The following NTRK1 variants were observed in gnomAD, a reference collection of about 807,000 sequenced individuals.
NTRK1 encodes neurotrophic receptor tyrosine kinase 1.
NTRK1 carries 62 observed loss-of-function variants against 86.8 expected under a neutral mutation model. The ratio of observed to expected loss-of-function variants is 0.71; its 90% CI spans 0.58 to 0.88. The LOEUF (loss-of-function observed/expected upper bound fraction) is 0.88. Ranked by LOEUF, NTRK1 falls within the 40% of genes least tolerant of loss-of-function variation. NTRK1 has a pLI of 0.00. For synonymous variants in NTRK1, 469 were observed against 456.6 expected (o/e 1.03, Z -0.35); for missense variants, 967 against 1,078.4 (o/e 0.90, Z 1.45).
intron 7 of NTRK1, among the ~76,000 whole-genome samples, chr1:156,872,389 C>T (rs924182322): frequency 6.6e-6 from 1 of 152,068 alleles, no homozygotes; most frequent in Non-Finnish European, 1.5e-5. Flanking sequence ...TAATTTTTCT[C>T]AAATATGCTT....
intron 1 of NTRK1, among the ~76,000 whole-genome samples, chr1:156,816,376 C>G (rs945749996): frequency 6.6e-6 from 1 of 152,198 alleles, no homozygotes; most frequent in Non-Finnish European, 1.5e-5. Flanking sequence ...AGGCAGATCA[C>G]TTCAGGGCAG....
intron 2 of NTRK1, chr1:156,853,732 T>C: frequency 6.3e-7 from 1 of 1,582,044 alleles, no homozygotes; most frequent in Non-Finnish European, 8.6e-7. Flanking sequence ...CCTACATTCA[T>C]GTTCTGTGCC....
intron 16 of NTRK1, among the ~76,000 whole-genome samples, chr1:156,880,811 G>C (rs931021841): frequency 6.6e-6 from 1 of 152,196 alleles, no homozygotes; most frequent in Non-Finnish European, 1.5e-5. Flanking sequence ...AATAGGGAGG[G>C]GGGAAGAAGG....
intron 5 of NTRK1, 31 bp from the exon 6 acceptor site, chr1:156,868,474 C>T (rs1212874293): frequency 6.4e-7 from 1 of 1,552,188 alleles, no homozygotes; most frequent in Non-Finnish European, 8.7e-7. Flanking sequence ...GCTCTAACAC[C>T]CCTTGGCCCT....
At chr1:156,838,142 C>T (rs1654642571) in intron 1 of NTRK1, among the ~76,000 whole-genome samples, 1 of 152,054 alleles carries the variant, frequency 6.6e-6, no homozygotes, top group Non-Finnish European at 1.5e-5. Context: ...TCCACCTCCT[C>T]CCCCAGGCCT....
At chr1:156,864,255 A>C in intron 1 of NTRK1, 99 bp from the exon 2 acceptor site, 1 of 1,107,876 alleles carries the variant, frequency 9.0e-7, no homozygotes, top group Non-Finnish European at 1.4e-6. Context: ...ATGCGTGTGC[A>C]TGTGGCATGT....
chr1:156,861,180 GACA>G, intron 1 of NTRK1, 34 bp downstream of exon 1: 1 of 1,535,584 alleles, frequency 6.5e-7, no homozygotes, highest in Non-Finnish European at 8.7e-7. Flanking sequence ...GGGGCGCGGG[GACA>G]GGCAGGCATT....
chr1:156,849,505 G>A (rs1185607256), intron 2 of NTRK1: 1 of 1,216,944 alleles, frequency 8.2e-7, no homozygotes, highest in Non-Finnish European at 1.2e-6. Flanking sequence ...GGTGGGGGCA[G>A]GGGGTGGGAA....
At chr1:156,847,424 T>C (rs1046498531) in intron 2 of NTRK1, among the ~76,000 whole-genome samples, 1 of 152,158 alleles carries the variant, frequency 6.6e-6, no homozygotes, top group Non-Finnish European at 1.5e-5. Flanking sequence ...GAGGGCTCCC[T>C]GGGGGAGATG....
At position 156,876,188 on chromosome 1, in the gene NTRK1, A is replaced by T. The variant is rs2102917772; in HGVS notation, c.1610A>T (p.Asp537Val). 1.2e-6 allele frequency: 2 copies of T among 1,614,116 alleles called. No homozygotes were observed. Among genetic ancestry groups the T allele is most frequent in the African/African-American group, 1.3e-5 (1 of 75,030 alleles). Residue 537 changes from aspartate to valine, a missense_variant, in exon 13 of 17, where the codon GAC becomes GTC. Transcript: ENST00000524377. Reference protein sequence around the residue: ...AECHNLLPEQDKMLVAVKALK... With the variant: ...AECHNLLPEQVKMLVAVKALK... ...TGCCACAACCTCCTGCCTGAGCAGG[A>T]CAAGATGCTGGTGGCTGTCAAGGTG...
chr1:156,855,212 T>TATCTATCTATCTATCTATCTATCTATC (rs60194471), intron 2 of NTRK1, among the ~76,000 whole-genome samples: 3 of 28,570 alleles, frequency 1.1e-4, no homozygotes, highest in Non-Finnish European at 1.0e-4. Context: ...ATCTATCTAT[T>TATCTATCTATCTATCTATCTATCTATC]TATTTATTTG....
At chr1:156,866,346 T>C (rs989879463) in intron 3 of NTRK1, among the ~76,000 whole-genome samples, 5 of 152,170 alleles carry the variant, frequency 3.3e-5, no homozygotes, top group South Asian at 2.1e-4. Flanking sequence ...GCTCACTTTT[T>C]CCATCCATAC....
intron 1 of NTRK1, among the ~76,000 whole-genome samples, chr1:156,820,983 T>C (rs1394782433): frequency 6.6e-6 from 1 of 152,194 alleles, no homozygotes; most frequent in Non-Finnish European, 1.5e-5. Flanking sequence ...CTTTGTAGAG[T>C]TCCTTATAGA....
intron 1 of NTRK1, among the ~76,000 whole-genome samples, chr1:156,818,970 T>G (rs774356956): frequency 6.6e-6 from 1 of 152,172 alleles, no homozygotes; most frequent in African/African-American, 2.4e-5. Context: ...TTTCACCACA[T>G]CCATGCCAAC....
chr1:156,841,640 G>A, intron 1 of NTRK1: 4 of 1,612,332 alleles, frequency 2.5e-6, no homozygotes, highest in Non-Finnish European at 3.4e-6. Context: ...CATCCCTGGA[G>A]CCCTGTGCTC....
chr1:156,827,411 C>A (rs960857314), intron 1 of NTRK1, among the ~76,000 whole-genome samples: 2 of 152,004 alleles, frequency 1.3e-5, no homozygotes, highest in South Asian at 2.1e-4. Flanking sequence ...TACAGGCGTG[C>A]GCCACCATGC....
intron 7 of NTRK1, among the ~76,000 whole-genome samples, chr1:156,873,190 G>C (rs1277741107): frequency 6.6e-6 from 1 of 152,004 alleles, no homozygotes; most frequent in African/African-American, 2.4e-5. Context: ...GGGATTACAG[G>C]AGCAAGTCAC....
intron 7 of NTRK1, 130 bp downstream of exon 7, chr1:156,871,885 T>C: frequency 1.6e-6 from 2 of 1,286,622 alleles, no homozygotes; most frequent in Non-Finnish European, 2.2e-6. Flanking sequence ...CCCAGCTGTT[T>C]CCAGATTCCC....
chr1:156,858,691 G>A (rs1194812833), upstream of NTRK1: 6 of 1,319,696 alleles, frequency 4.5e-6, no homozygotes, highest in African/African-American at 7.2e-5. Context: ...GGTGTGATAA[G>A]CCCTAAGGGA....
Sources: allele counts gnomAD v4.1 joint callset (sites outside exome capture counted in the v4.1 genomes callset), GRCh38; gene constraint gnomAD v4.1.1; transcripts MANE v1.5; gene names NCBI Gene and HGNC (gene_info 2026-07-23, HGNC 2026-07-21).